Variants in STK39 observed in about 807,000 individuals in gnomAD.
The protein encoded by STK39 is STE20/SPS1-related proline-alanine-rich protein kinase.
A neutral mutation model predicts 77.8 loss-of-function variants in STK39; 20 were observed. That is an observed-to-expected ratio of 0.26 (90% CI 0.18 to 0.37). STK39 has a LOEUF of 0.37. Ranked by LOEUF, STK39 falls within the 10% of genes least tolerant of loss-of-function variation. The probability of loss-of-function intolerance (pLI) is 1.00; values close to 1 mark genes in which losing one functional copy is unlikely to be tolerated. For synonymous variants in STK39, 246 were observed against 234.1 expected, an observed-to-expected ratio of 1.05 and a Z score of -0.47; for missense variants, 479 against 656.5, an observed-to-expected ratio of 0.73 and a Z score of 2.95.
intron 16 of STK39, among the ~76,000 whole-genome samples, chr2:168,010,919 C>G (rs1033267507): frequency 4.6e-5 from 7 of 152,174 alleles, no homozygotes; most frequent in Non-Finnish European, 1.0e-4. Flanking sequence ...GTGTGTGTAT[C>G]TACCTTAAAC....
chr2:168,247,457 A>T lies in STK39; in HGVS notation c.-22T>A. On this transcript the variant is annotated 5_prime_UTR_variant, in exon 1 of 18. Transcript: ENST00000355999. ...CCATGATGCTGCGGAGGAGAGCAGGAGGACGCGCCGGCCGACGGACGACCT... is the reference window on the plus strand; with the variant it reads ...CCATGATGCTGCGGAGGAGAGCAGGTGGACGCGCCGGCCGACGGACGACCT... The T allele has an allele frequency of 7.7e-7, 1 of 1,304,474 alleles. No homozygotes were observed. The highest frequency in any genetic ancestry group is 9.9e-7 in the Non-Finnish European group (1 of 1,012,462). The allele number at this position is 1,304,474 out of a possible 1,614,324, so 80.8% of individuals were successfully genotyped here.
intron 1 of STK39, among the ~76,000 whole-genome samples, chr2:168,233,656 C>A (rs1049964630): frequency 1.3e-5 from 2 of 152,188 alleles, no homozygotes; most frequent in Non-Finnish European, 2.9e-5. Context: ...GATTCAAATT[C>A]ACCGTTTAAG....
At chr2:167,968,221 T>TC (rs1692214922) in intron 16 of STK39, among the ~76,000 whole-genome samples, 2 of 152,346 alleles carry the variant, frequency 1.3e-5, no homozygotes, top group South Asian at 4.1e-4. Context: ...TCGATATCTT[T>TC]GCTATTGTGA....
intron 1 of STK39, among the ~76,000 whole-genome samples, chr2:168,211,070 T>A (rs1410923020): frequency 1.3e-5 from 2 of 152,188 alleles, no homozygotes; most frequent in Non-Finnish European, 2.9e-5. Flanking sequence ...GTAATCACAA[T>A]GAACAAACTG....
chr2:168,154,935 T>C (rs577111463), intron 5 of STK39, among the ~76,000 whole-genome samples: 57 of 152,324 alleles, frequency 3.7e-4, no homozygotes, highest in African/African-American at 7.9e-4. Context: ...AAGGACCGAA[T>C]TGCTCTGCTT....
intron 14 of STK39, among the ~76,000 whole-genome samples, chr2:168,021,133 ATCAG>A (rs1172505383): frequency 6.6e-6 from 1 of 152,220 alleles, no homozygotes; most frequent in African/African-American, 2.4e-5. Context: ...CTTCCTTTCC[ATCAG>A]TCTTATTTAA....
chr2:168,240,322 G>C (rs1454528000), intron 1 of STK39, among the ~76,000 whole-genome samples: 1 of 152,202 alleles, frequency 6.6e-6, no homozygotes, highest in Non-Finnish European at 1.5e-5. Flanking sequence ...TTTCAGCCTG[G>C]GAGCAACGTG....
chr2:168,206,267 G>A (rs1689739617), intron 1 of STK39, among the ~76,000 whole-genome samples: 1 of 151,538 alleles, frequency 6.6e-6, no homozygotes, highest in South Asian at 2.1e-4. Context: ...AAGTGTTGCA[G>A]CAGAAACAAG....
chr2:168,024,753 A>G (rs1297272448), intron 14 of STK39, among the ~76,000 whole-genome samples: 1 of 152,214 alleles, frequency 6.6e-6, no homozygotes, highest in Non-Finnish European at 1.5e-5. Context: ...GATGTTTTAC[A>G]TATGTTATCT....
chr2:168,243,924 C>G (rs1574590176), intron 1 of STK39, among the ~76,000 whole-genome samples: 2 of 152,282 alleles, frequency 1.3e-5, no homozygotes, highest in Middle Eastern at 6.8e-3. Context: ...CCCCAAATTC[C>G]TTCTTTAGAG....
At chr2:168,211,061 T>C (rs1048946385) in intron 1 of STK39, among the ~76,000 whole-genome samples, 3 of 152,238 alleles carry the variant, frequency 2.0e-5, no homozygotes, top group African/African-American at 7.2e-5. Context: ...TCTATTTACG[T>C]AATCACAATG....
At chr2:168,062,203 T>G (rs1412859640) in intron 14 of STK39, among the ~76,000 whole-genome samples, 1 of 152,202 alleles carries the variant, frequency 6.6e-6, no homozygotes, top group Non-Finnish European at 1.5e-5. Context: ...TTGGTAGTCT[T>G]GCTCACCACT....
At chr2:168,120,687 T>C (rs1008542966) in intron 10 of STK39, among the ~76,000 whole-genome samples, 15 of 152,220 alleles carry the variant, frequency 9.9e-5, no homozygotes, top group Non-Finnish European at 1.9e-4. Context: ...AATTTTGCTA[T>C]AACCTGTGCC....
At chr2:168,192,212 C>T (rs577900167) in intron 1 of STK39, among the ~76,000 whole-genome samples, 1 of 152,260 alleles carries the variant, frequency 6.6e-6, no homozygotes, top group African/African-American at 2.4e-5. Context: ...ATTAGCACAG[C>T]TTAACAGGGA....
chr2:168,029,031 A>G (rs182567296), intron 14 of STK39, among the ~76,000 whole-genome samples: 1 of 152,342 alleles, frequency 6.6e-6, no homozygotes, highest in Admixed American at 6.5e-5. Context: ...AACTGTTACA[A>G]ACTCTAACTA....
chr2:168,100,159 G>GT (rs1686783600), intron 10 of STK39, among the ~76,000 whole-genome samples: 1 of 152,134 alleles, frequency 6.6e-6, no homozygotes, highest in Non-Finnish European at 1.5e-5. Context: ...CTATTTCAAG[G>GT]TTTATATTGC....
intron 1 of STK39, among the ~76,000 whole-genome samples, chr2:168,234,114 G>C (rs1016635507): frequency 6.6e-6 from 1 of 152,164 alleles, no homozygotes; most frequent in African/African-American, 2.4e-5. Context: ...TTTGTACTAA[G>C]TCAGTGGCAA....
At chr2:168,056,585 T>C (rs1685532928) in intron 14 of STK39, among the ~76,000 whole-genome samples, 1 of 152,130 alleles carries the variant, frequency 6.6e-6, no homozygotes, top group African/African-American at 2.4e-5. Flanking sequence ...AATGCAAGCA[T>C]ACTACTTCCC....
chr2:168,010,700 G>T (rs1684248812), intron 16 of STK39, among the ~76,000 whole-genome samples: 1 of 151,930 alleles, frequency 6.6e-6, no homozygotes, highest in South Asian at 2.1e-4. Flanking sequence ...ATAATCAGTA[G>T]GAAAAAATCT....
Sources: gnomAD v4.1 joint callset for allele counts (sites outside exome capture counted in the v4.1 genomes callset) on GRCh38, gnomAD v4.1.1 for gene constraint, MANE v1.5 for transcripts, NCBI Gene and HGNC (gene_info 2026-07-23, HGNC 2026-07-21) for gene names.